POLQ: variants seen among roughly 807,000 people sequenced by gnomAD.
POLQ encodes the protein epididymis secretory sperm binding protein.
POLQ carries 233 observed loss-of-function variants against 259.2 expected under a neutral mutation model. The ratio of observed to expected loss-of-function variants is 0.90; its 90% CI spans 0.81 to 1.00. The LOEUF is 1.00. POLQ is among the 50% of genes least tolerant of loss of function. The pLI, the probability that POLQ is intolerant of heterozygous loss-of-function variation, is 0.00. For missense variants in POLQ, 2,871 were observed against 3,051.6 expected (o/e 0.94, Z 1.39); for synonymous variants, 1,025 against 1,048.8 (o/e 0.98, Z 0.44).
At chr3:121,456,132 C>A (rs1403758789) in intron 25 of POLQ, among the ~76,000 whole-genome samples, 1 of 152,068 alleles carries the variant, frequency 6.6e-6, no homozygotes. Context: ...AGAAAAAAAA[C>A]ACATGATTAT....
intron 12 of POLQ, among the ~76,000 whole-genome samples, chr3:121,501,990 CAAAAA>C (rs554794926): frequency 1.7e-5 from 1 of 60,356 alleles, no homozygotes; most frequent in African/African-American, 5.8e-5. Flanking sequence ...ACTCTGTCTC[CAAAAA>C]AAAAAAAAAA....
At position 121,510,091 on chromosome 3, in the gene POLQ, C is replaced by T; in HGVS notation, c.1764G>A (p.Trp588Ter). 1.2e-6 allele frequency: 2 copies of T among 1,614,104 alleles called. No individual in the cohort carries two copies. The highest frequency in any genetic ancestry group is 1.7e-6 in the Non-Finnish European group (2 of 1,179,932). Residue 588 changes from tryptophan (W) to a stop codon, truncating the protein, a stop_gained, in exon 11 of 30, where the codon TGG becomes TGA. Transcript: ENST00000264233. LOFTEE classifies it high-confidence loss of function. ...TCTGGATGAATTCATTTTCTAGTAG[C>T]CACATCACACAGGCCTCAATCGCTC... ...QLGAIEACVM[W>*]LLENEFIQST...
chr3:121,539,534 G>A lies in POLQ; in HGVS notation c.530C>T (p.Pro177Leu). Residue 177 changes from proline (P) to leucine (L), a missense_variant, in exon 4 of 30, where the codon CCA becomes CTA. Physicochemically the swap from Pro to Leu is moderately conservative, Grantham distance 98. Transcript: ENST00000264233. ...KVDGYMGSTS[P>L]SRHFSSLDIA... is the part of the protein sequence containing the mutation. ...ATCCAATGAAGAGAAATGCCTTGAT[G>A]GAGAGGTGCTGCCCATATAACCGTC... 6.2e-7 allele frequency: 1 copy of A among 1,612,100 alleles called. No individual in the cohort carries two copies. The highest frequency in any genetic ancestry group is 8.5e-7 in the Non-Finnish European group (1 of 1,178,172).
rs764579690 is a variant in POLQ, at chr3:121,493,575, C to T, written c.2425G>A (p.Val809Ile). ...VSLLNAQRAR[V>I]LYASGFHTVA... ...GTATGAAAGCCAGAAGCATAGAGAA[C>T]CCTGGCTCTCTGAGCATTTAGTAAG... is the stretch of plus-strand genomic sequence containing the variant. Residue 809 changes from valine to isoleucine, a missense_variant, in exon 15 of 30, where the codon GTT (valine) becomes ATT (isoleucine). Around this residue, in one of 3 missense-constraint regions of POLQ, gnomAD observed 2,080 missense variants for 2,126.0 expected, o/e 0.98. Coordinates refer to ENST00000264233, the MANE Select transcript of POLQ (RefSeq NM_199420.4). The T allele has an allele frequency of 3.7e-6, 6 of 1,614,010 alleles. No individual in the cohort carries two copies. The South Asian group carries it at 5.5e-5, about 15-fold the overall frequency.
At chr3:121,505,889 G>A (rs1286959753) in intron 12 of POLQ, among the ~76,000 whole-genome samples, 3 of 151,238 alleles carry the variant, frequency 2.0e-5, no homozygotes. Context: ...AGGTGTGATG[G>A]CGCATGTCTG....
intron 9 of POLQ, among the ~76,000 whole-genome samples, chr3:121,518,187 G>A (rs2048312622): frequency 6.6e-6 from 1 of 152,124 alleles, no homozygotes; most frequent in Admixed American, 6.5e-5. Flanking sequence ...TTTACATTGA[G>A]CTCCAGCCAA....
At chr3:121,472,844 A>C (rs1197941174) in intron 21 of POLQ, among the ~76,000 whole-genome samples, 3 of 152,234 alleles carry the variant, frequency 2.0e-5, no homozygotes, top group Middle Eastern at 3.2e-3. Context: ...ATGTAAAATT[A>C]AGCCCCTTCT....
In POLQ at chr3:121,545,900, A is replaced by T; in HGVS notation, c.-23T>A. 6.2e-7 allele frequency: 1 copy of T among 1,611,938 alleles called. No individual in the cohort carries two copies. The highest frequency in any genetic ancestry group is 1.3e-5 in the African/African-American group (1 of 75,034). ...CATGGCAAACTCTTCTCGGCCGATC[A>T]GGGCAAGCCACAGTCCCAGCGTCCT... On this transcript the variant is annotated 5_prime_UTR_variant, in exon 1 of 30. It removes the in-frame stop codon of an upstream open reading frame in the 5' UTR. Coordinates refer to ENST00000264233, the MANE Select transcript of POLQ (RefSeq NM_199420.4).
chr3:121,505,443 G>C (rs1016328111), intron 12 of POLQ, among the ~76,000 whole-genome samples: 1 of 152,152 alleles, frequency 6.6e-6, no homozygotes, highest in African/African-American at 2.4e-5. Flanking sequence ...CTACCAGAAA[G>C]TTTTTAATTA....
rs1223822728 is a variant in POLQ at position 121,488,373 on chromosome 3, T to C, written c.4558A>G (p.Asn1520Asp). 1 of 1,612,782 alleles carries C rather than the reference T, an allele frequency of 6.2e-7. No individual in the cohort carries two copies. The highest frequency in any genetic ancestry group is 8.5e-7 in the Non-Finnish European group (1 of 1,178,992). ...KEPLPSEVTSNHFSDSLCLQE... is the reference protein window; with the variant it reads ...KEPLPSEVTSDHFSDSLCLQE... ...AGACACAGAGAATCACTAAAATGGTTTGATGTTACTTCTGAAGGAAGGGGT... is the reference window on the plus strand; with the variant it reads ...AGACACAGAGAATCACTAAAATGGTCTGATGTTACTTCTGAAGGAAGGGGT... Residue 1520 changes from asparagine (N) to aspartate (D), a missense_variant, in exon 16 of 30, where the codon AAC becomes GAC. Coordinates refer to ENST00000264233, the MANE Select transcript of POLQ (RefSeq NM_199420.4).
chr3:121,496,213 G>C (rs1281400816), intron 14 of POLQ, among the ~76,000 whole-genome samples: 2 of 142,832 alleles, frequency 1.4e-5, no homozygotes, highest in Admixed American at 7.2e-5. Flanking sequence ...GTCTCGCTCT[G>C]TCACCCAGGC....
At chr3:121,543,056 CT>C (rs2048501965) in intron 2 of POLQ, among the ~76,000 whole-genome samples, 1 of 152,062 alleles carries the variant, frequency 6.6e-6, no homozygotes, top group African/African-American at 2.4e-5. Flanking sequence ...AGTTTCAAAG[CT>C]ATTGCATAAT....
chr3:121,479,078 C>T lies in POLQ; in HGVS notation c.6212-2345G>A, dbSNP rs556159802. Among the ~76,000 whole-genome samples, 10 of 151,988 alleles carry T rather than the reference C, an allele frequency of 6.6e-5. No individual in the cohort carries two copies. The South Asian group carries it at 1.9e-3, about 29-fold the overall frequency. On this transcript the variant is annotated intron_variant, in intron 19 of 29. Transcript: ENST00000264233. ...AATTAGTATTATACAACCATGTACT[C>T]GAACTACAACACAATTAAGTTTAAA...
chr3:121,456,143 C>T (rs1418367788), intron 25 of POLQ, among the ~76,000 whole-genome samples: 1 of 152,160 alleles, frequency 6.6e-6, no homozygotes, highest in Admixed American at 6.5e-5. Context: ...ACATGATTAT[C>T]TCAATAGATG....
intron 15 of POLQ, among the ~76,000 whole-genome samples, chr3:121,492,034 C>T (rs936743577): frequency 2.1e-4 from 32 of 152,112 alleles, no homozygotes; most frequent in Admixed American, 2.1e-3. Flanking sequence ...CCCCCTACCC[C>T]CACCTCCACC....
intron 16 of POLQ, among the ~76,000 whole-genome samples, chr3:121,486,478 CGA>C (rs982723344): frequency 1.1e-4 from 17 of 151,966 alleles, no homozygotes; most frequent in Non-Finnish European, 5.9e-5. Flanking sequence ...TGCTTGAACC[CGA>C]GAGGCAGAGG....
rs143172447 is a variant in POLQ at position 121,474,055 on chromosome 3, C to T, written c.6406-568G>A. On this transcript the variant is annotated intron_variant, in intron 20 of 29. Coordinates refer to ENST00000264233, the MANE Select transcript of POLQ (RefSeq NM_199420.4). ...TTTTAAGCAGTCAGGAACACAGGCA[C>T]GTATATACACTGTGCTGAGCAACTG... Among the ~76,000 whole-genome samples, 545 of 152,246 alleles carry T rather than the reference C, an allele frequency of 3.6e-3. 2 individuals are homozygous for T. The highest frequency in any genetic ancestry group is 6.6e-3 in the Non-Finnish European group (446 of 68,016).
chr3:121,448,407 C>T (rs1351683469), intron 26 of POLQ, among the ~76,000 whole-genome samples: 1 of 151,180 alleles, frequency 6.6e-6, no homozygotes. Flanking sequence ...CATTCTTGAC[C>T]CCCAGGCTGG....
rs775581658 is a variant in POLQ at position 121,488,032 on chromosome 3, C to T, written c.4899G>A (p.Gly1633=). 1 of 1,613,652 alleles carries T rather than the reference C, an allele frequency of 6.2e-7. No individual in the cohort carries two copies. The highest frequency in any genetic ancestry group is 1.1e-5 in the South Asian group (1 of 91,040). The change falls in exon 16 of 30, where the codon GGG becomes GGA. Residue 1633 remains glycine, a synonymous_variant. Coordinates refer to ENST00000264233, the MANE Select transcript of POLQ (RefSeq NM_199420.4). ...GTCCTGGACTTAGATCAAATGATGC[C>T]CCTGACCATATGAATGAATGATTTT... is the stretch of plus-strand genomic sequence containing the variant. ...TRQNHSFIWS[G]ASFDLSPGLQ...
Sources: gnomAD v4.1 joint callset for allele counts (sites outside exome capture counted in the v4.1 genomes callset) on GRCh38, gnomAD v4.1.1 for gene constraint, gnomAD v4.1.1 regional missense constraint, MANE v1.5 for transcripts, NCBI Gene and HGNC (gene_info 2026-07-23, HGNC 2026-07-21) for gene names.